Variants in SH2D4A observed in about 807,000 individuals in gnomAD.
The protein encoded by SH2D4A is SH2 domain-containing protein 4A.
In SH2D4A, 70 loss-of-function variants were observed where a neutral mutation model predicts 64.7. The observed-to-expected ratio is 1.08, with a 90% CI of 0.89 to 1.32. The LOEUF (loss-of-function observed/expected upper bound fraction) is 1.32. Among genes scored for constraint, SH2D4A ranks in the 40% most tolerant of loss-of-function variants. The probability of loss-of-function intolerance (pLI) is 0.00; values close to 1 mark genes in which losing one functional copy is unlikely to be tolerated. For synonymous variants in SH2D4A, 268 were observed against 200.7 expected, an observed-to-expected ratio of 1.34 and a Z score of -2.83; for missense variants, 706 against 540.1, an observed-to-expected ratio of 1.31 and a Z score of -3.04.
chr8:19,338,972 G>A (rs987711808), intron 4 of SH2D4A, among the ~76,000 whole-genome samples: 8 of 152,182 alleles, frequency 5.3e-5, no homozygotes, highest in African/African-American at 1.9e-4. Flanking sequence ...TCCCACAATA[G>A]GCCATCTGCA....
intron 6 of SH2D4A, 60 bp downstream of exon 6, chr8:19,361,374 T>C (rs938364293): frequency 6.6e-7 from 1 of 1,510,330 alleles, no homozygotes; most frequent in Non-Finnish European, 8.8e-7. Context: ...TCTCCCTTAA[T>C]AATGTGATCA....
intron 4 of SH2D4A, among the ~76,000 whole-genome samples, chr8:19,350,482 A>ATTGTT (rs2052684413): frequency 6.6e-6 from 1 of 151,962 alleles, no homozygotes; most frequent in Admixed American, 6.6e-5. Context: ...GTTGCTCTTT[A>ATTGTT]TTGTTTTGTT....
intron 4 of SH2D4A, among the ~76,000 whole-genome samples, chr8:19,345,261 C>G (rs753338902): frequency 6.6e-6 from 1 of 152,188 alleles, no homozygotes; most frequent in Non-Finnish European, 1.5e-5. Flanking sequence ...ACATGGAGTC[C>G]TAGGAGTTCA....
chr8:19,327,021 C>G (rs1330542605), intron 2 of SH2D4A, among the ~76,000 whole-genome samples: 1 of 152,206 alleles, frequency 6.6e-6, no homozygotes, highest in Non-Finnish European at 1.5e-5. Context: ...TGTCACCCCA[C>G]TTTTATCTGA....
At chr8:19,376,273 G>A (rs936934983) in intron 8 of SH2D4A, among the ~76,000 whole-genome samples, 1 of 152,106 alleles carries the variant, frequency 6.6e-6, no homozygotes, top group Non-Finnish European at 1.5e-5. Context: ...CTGACTGGAC[G>A]AAGCCCACAC....
At chr8:19,392,943 G>A (rs1036888816) in intron 8 of SH2D4A, among the ~76,000 whole-genome samples, 22 of 151,964 alleles carry the variant, frequency 1.4e-4, no homozygotes, top group African/African-American at 4.4e-4. Flanking sequence ...GGGTTTCACC[G>A]TATTAGTCAG....
chr8:19,394,612 G>C lies in SH2D4A; in HGVS notation c.1335G>C (p.Gln445His). 2 of 1,610,980 alleles carry C rather than the reference G, an allele frequency of 1.2e-6. No individual in the cohort carries two copies. The highest frequency in any genetic ancestry group is 1.7e-4 in the Middle Eastern group (1 of 6,046). Residue 445 changes from glutamine to histidine, a missense_variant, in exon 10 of 10, where the codon CAG becomes CAC. By Grantham distance (24) the Gln-to-His change is conservative. Coordinates refer to ENST00000265807, the MANE Select transcript of SH2D4A (RefSeq NM_022071.4). ...LLLYPCGQQD[Q>H]LPDYLELFE ...TCTATCCCTGTGGTCAGCAGGACCA[G>C]CTGCCTGACTACCTGGAGCTGTTTG...
At chr8:19,330,461 T>C (rs910870681) in intron 2 of SH2D4A, among the ~76,000 whole-genome samples, 1 of 152,204 alleles carries the variant, frequency 6.6e-6, no homozygotes, top group Non-Finnish European at 1.5e-5. Flanking sequence ...ACTGCTTCTT[T>C]ATGGTCACTG....
chr8:19,387,889 G>A (rs151310664), intron 8 of SH2D4A, among the ~76,000 whole-genome samples: 35 of 152,272 alleles, frequency 2.3e-4, no homozygotes, highest in Admixed American at 6.5e-4. Context: ...GTTAATAAGC[G>A]TTAGCCATTT....
rs2053586192 is a variant in SH2D4A, at chr8:19,396,125, C to G, written c.*1483C>G. On this transcript the variant is annotated 3_prime_UTR_variant, in exon 10 of 10. Coordinates refer to ENST00000265807, the MANE Select transcript of SH2D4A (RefSeq NM_022071.4). ...CTCTGAGCCACTGGAGATCATTTTT[C>G]TTGGAGGATGGAGATTGGCTAGTAC... 1 of 152,180 alleles carries G rather than the reference C, an allele frequency of 6.6e-6. No individual in the cohort carries two copies. The highest frequency in any genetic ancestry group is 1.5e-5 in the Non-Finnish European group (1 of 68,080). 9.4% of individuals were successfully genotyped at this position (152,180 alleles called of 1,614,324 possible).
intron 4 of SH2D4A, among the ~76,000 whole-genome samples, chr8:19,345,670 C>A (rs2052601360): frequency 6.6e-6 from 1 of 152,226 alleles, no homozygotes; most frequent in African/African-American, 2.4e-5. Context: ...CTAATCTTCT[C>A]ACATATAAAA....
At chr8:19,327,963 G>C (rs1471604752) in intron 2 of SH2D4A, among the ~76,000 whole-genome samples, 1 of 152,156 alleles carries the variant, frequency 6.6e-6, no homozygotes, top group Non-Finnish European at 1.5e-5. Flanking sequence ...CTTCATCTCA[G>C]CAGGGCTTGA....
At chr8:19,334,028 C>T (rs148623998) in intron 3 of SH2D4A, among the ~76,000 whole-genome samples, 66 of 152,264 alleles carry the variant, frequency 4.3e-4, no homozygotes, top group African/African-American at 1.5e-3. Context: ...ACATCAACTG[C>T]AGATGTAGGA....
At chr8:19,379,060 G>A (rs2053245471) in intron 8 of SH2D4A, among the ~76,000 whole-genome samples, 1 of 141,368 alleles carries the variant, frequency 7.1e-6, no homozygotes, top group Admixed American at 7.2e-5. Context: ...CAGCTTGGAA[G>A]ACAGACCCTG....
At chr8:19,366,077 A>T (rs1403428814) in intron 7 of SH2D4A, among the ~76,000 whole-genome samples, 1 of 152,230 alleles carries the variant, frequency 6.6e-6, no homozygotes, top group Non-Finnish European at 1.5e-5. Context: ...TGTTATAAAA[A>T]GCGTAAAGAA....
chr8:19,386,791 T>TA (rs902798476), intron 8 of SH2D4A, among the ~76,000 whole-genome samples: 19 of 152,048 alleles, frequency 1.2e-4, no homozygotes, highest in South Asian at 4.1e-4. Context: ...ATGCTTTTTT[T>TA]AAAAAAAAGA....
intron 4 of SH2D4A, among the ~76,000 whole-genome samples, chr8:19,342,690 C>T (rs1039076789): frequency 1.3e-5 from 2 of 152,184 alleles, no homozygotes; most frequent in African/African-American, 4.8e-5. Context: ...TCAGGTCCCT[C>T]TTATTATCTG....
At chr8:19,385,147 C>G (rs919127901) in intron 8 of SH2D4A, among the ~76,000 whole-genome samples, 1 of 151,996 alleles carries the variant, frequency 6.6e-6, no homozygotes, top group South Asian at 2.1e-4. Flanking sequence ...TTTTAATCTA[C>G]TTAGCAAGCA....
chr8:19,332,855 A>G lies in SH2D4A; in HGVS notation c.182-100A>G. The G allele has an allele frequency of 8.2e-6, 9 of 1,094,082 alleles. No homozygotes were observed. The South Asian group carries it at 1.1e-4, about 14-fold the overall frequency. 67.8% of individuals were successfully genotyped at this position (1,094,082 alleles called of 1,614,324 possible). On this transcript the variant is annotated intron_variant, in intron 2 of 9. Transcript: ENST00000265807. Reference sequence around the variant, plus strand: ...TTTGTCTCATCTGATATATATATATATATTTTCAAAGACCCAAAATACTTT... The same window carrying G: ...TTTGTCTCATCTGATATATATATATGTATTTTCAAAGACCCAAAATACTTT...
Sources: gnomAD v4.1 joint callset for allele counts (sites outside exome capture counted in the v4.1 genomes callset) on GRCh38, gnomAD v4.1.1 for gene constraint, MANE v1.5 for transcripts, NCBI Gene and HGNC (gene_info 2026-07-23, HGNC 2026-07-21) for gene names.